Variants in FNDC3B observed in about 807,000 individuals in gnomAD.
FNDC3B encodes the protein fibronectin type III domain containing 3B, also known as fibronectin type III domain-containing protein 3B.
FNDC3B carries 12 observed loss-of-function variants against 151.5 expected under a neutral mutation model. The ratio of observed to expected loss-of-function variants is 0.08; its 90% confidence interval spans 0.05 to 0.13. FNDC3B has a LOEUF of 0.13. Among genes scored for constraint, FNDC3B ranks in the 10% least tolerant of loss-of-function variants. The pLI, the probability that FNDC3B is intolerant of heterozygous loss-of-function variation, is 1.00. For missense variants in FNDC3B, 1,214 were observed against 1,505.3 expected (o/e 0.81, Z 3.20); for synonymous variants, 528 against 549.0 (o/e 0.96, Z 0.54).
Position 172,247,599 on chromosome 3 carries a change from C to G in FNDC3B, c.331C>G (p.Pro111Ala). Reference sequence around the variant, plus strand: ...ACCCCAGTCTCCTGAGTGTTATCCCCCAAGCTACCCCTCAGCCATGTCTCC... The same window carrying G: ...ACCCCAGTCTCCTGAGTGTTATCCCGCAAGCTACCCCTCAGCCATGTCTCC... ...VTPQSPECYP[P>A]SYPSAMSPTH... Residue 111 changes from proline to alanine, a missense_variant, in exon 5 of 26, where the codon CCA becomes GCA. By Grantham distance (27) the Pro-to-Ala change is conservative. Around this residue, in one of 7 missense-constraint regions of FNDC3B, gnomAD observed 113 missense variants for 177.8 expected, o/e 0.64. Transcript: ENST00000415807. 6.2e-7 allele frequency: 1 copy of G among 1,614,062 alleles called. No individual in the cohort carries two copies. Among genetic ancestry groups the G allele is most frequent in the Non-Finnish European group, 8.5e-7 (1 of 1,179,946 alleles).
chr3:172,192,040 T>G (rs1042504600), intron 3 of FNDC3B, among the ~76,000 whole-genome samples: 6 of 152,154 alleles, frequency 3.9e-5, no homozygotes, highest in Non-Finnish European at 8.8e-5. Context: ...AATCTGATTC[T>G]TAGTTTCAGA....
intron 3 of FNDC3B, among the ~76,000 whole-genome samples, chr3:172,195,891 C>A (rs947165698): frequency 6.6e-6 from 1 of 152,172 alleles, no homozygotes; most frequent in African/African-American, 2.4e-5. Flanking sequence ...GACACTAATC[C>A]TCAGTTTCCT....
intron 8 of FNDC3B, among the ~76,000 whole-genome samples, chr3:172,297,568 G>A (rs557143967): frequency 7.2e-5 from 11 of 152,040 alleles, no homozygotes; most frequent in African/African-American, 2.7e-4. Flanking sequence ...TCCGCCTCCT[G>A]GGTTCACGCC....
rs566521463 is a variant in FNDC3B, at chr3:172,338,897, G to A, written c.1852+1496G>A. On this transcript the variant is annotated intron_variant, in intron 16 of 25. Transcript: ENST00000415807. ...GACTACAGACGCCCACCACTAGGCC[G>A]GCTAATTTTTTTTGAATTTTTAGTA... Among the ~76,000 whole-genome samples, 4 of 151,888 alleles carry A rather than the reference G, an allele frequency of 2.6e-5. No individual in the cohort carries two copies. The East Asian group carries it at 8.1e-4, about 31-fold the overall frequency.
chr3:172,093,212 C>T (rs1003778742), intron 1 of FNDC3B, among the ~76,000 whole-genome samples: 2 of 150,882 alleles, frequency 1.3e-5, no homozygotes, highest in Non-Finnish European at 2.9e-5. Flanking sequence ...CTCCTGGGTC[C>T]TTGACCTCCT....
intron 14 of FNDC3B, among the ~76,000 whole-genome samples, chr3:172,334,232 C>T (rs1170263628): frequency 2.0e-5 from 3 of 152,090 alleles, no homozygotes; most frequent in African/African-American, 4.8e-5. Flanking sequence ...ATTATCGATG[C>T]TGGCTATGAG....
intron 22 of FNDC3B, among the ~76,000 whole-genome samples, chr3:172,361,108 G>A (rs569471205): frequency 1.3e-5 from 2 of 152,180 alleles, no homozygotes; most frequent in South Asian, 4.2e-4. Flanking sequence ...CTGGAGGAGA[G>A]GGTCCATGTC....
chr3:172,204,745 G>C (rs773905602), intron 3 of FNDC3B, among the ~76,000 whole-genome samples: 2 of 152,232 alleles, frequency 1.3e-5, no homozygotes, highest in African/African-American at 2.4e-5. Flanking sequence ...TTCTGGCAAA[G>C]TCTAGTATTC....
At chr3:172,098,510 A>C (rs907248789) in intron 1 of FNDC3B, among the ~76,000 whole-genome samples, 1 of 152,216 alleles carries the variant, frequency 6.6e-6, no homozygotes, top group Non-Finnish European at 1.5e-5. Context: ...CAGTGGAGTT[A>C]TGAAGTAATA....
At chr3:172,371,027 G>A (rs763424163) in intron 23 of FNDC3B, among the ~76,000 whole-genome samples, 1 of 152,176 alleles carries the variant, frequency 6.6e-6, no homozygotes, top group Non-Finnish European at 1.5e-5. Flanking sequence ...TTGGACAAAT[G>A]TATGATGACG....
chr3:172,336,857 G>C, intron 15 of FNDC3B, among the ~76,000 whole-genome samples: 1 of 151,576 alleles, frequency 6.6e-6, no homozygotes, highest in African/African-American at 2.4e-5. Flanking sequence ...GAGCCGAGAT[G>C]GCGCCATTGC....
At chr3:172,354,505 T>C (rs1055981110) in intron 22 of FNDC3B, among the ~76,000 whole-genome samples, 1 of 151,180 alleles carries the variant, frequency 6.6e-6, no homozygotes, top group African/African-American at 2.4e-5. Flanking sequence ...TAAAAAAAAA[T>C]AATAATAATA....
At chr3:172,378,752 CTTTCA>C (rs2108368613) in intron 24 of FNDC3B, among the ~76,000 whole-genome samples, 1 of 152,328 alleles carries the variant, frequency 6.6e-6, no homozygotes, top group East Asian at 1.9e-4. Flanking sequence ...CTTTCCTAGA[CTTTCA>C]GAGAAGCAGA....
At chr3:172,344,638 C>A (rs1733516427) in intron 19 of FNDC3B, among the ~76,000 whole-genome samples, 1 of 152,140 alleles carries the variant, frequency 6.6e-6, no homozygotes, top group South Asian at 2.1e-4. Flanking sequence ...TCTAAATGAA[C>A]CAGCAACATC....
chr3:172,142,225 A>AT (rs1429768373), intron 3 of FNDC3B, among the ~76,000 whole-genome samples: 1 of 152,144 alleles, frequency 6.6e-6, no homozygotes, highest in Non-Finnish European at 1.5e-5. Context: ...CCCCCCCTTC[A>AT]TTTTTTGTTA....
intron 1 of FNDC3B, among the ~76,000 whole-genome samples, chr3:172,068,492 C>T (rs1027877214): frequency 2.1e-5 from 3 of 144,174 alleles, no homozygotes; most frequent in East Asian, 2.1e-4. Context: ...GGCACAATCT[C>T]GTCTCACTGC....
intron 1 of FNDC3B, among the ~76,000 whole-genome samples, chr3:172,083,197 C>T (rs901480501): frequency 3.3e-5 from 5 of 152,162 alleles, no homozygotes; most frequent in Non-Finnish European, 5.9e-5. Context: ...CAAGGGGTTC[C>T]TGTACCACAG....
intron 1 of FNDC3B, among the ~76,000 whole-genome samples, chr3:172,109,774 G>A (rs1167120813): frequency 6.6e-6 from 1 of 152,188 alleles, no homozygotes; most frequent in Non-Finnish European, 1.5e-5. Flanking sequence ...AGTCCATCAC[G>A]TAGTAGAGAA....
chr3:172,236,655 C>T (rs192196863), intron 4 of FNDC3B, among the ~76,000 whole-genome samples: 70 of 152,212 alleles, frequency 4.6e-4, no homozygotes, highest in African/African-American at 1.7e-3. Context: ...GCCCTCTAAC[C>T]AGGGAGGGGT....
Sources: gnomAD v4.1 joint callset for allele counts (sites outside exome capture counted in the v4.1 genomes callset) on GRCh38, gnomAD v4.1.1 for gene constraint, gnomAD v4.1.1 regional missense constraint, MANE v1.5 for transcripts, NCBI Gene and HGNC (gene_info 2026-07-23, HGNC 2026-07-21) for gene names.